CAB39L: variants seen among roughly 807,000 people sequenced by gnomAD.
The protein encoded by CAB39L is calcium binding protein 39 like.
In CAB39L, 23 loss-of-function variants were observed where a neutral mutation model predicts 39.1. The observed-to-expected ratio is 0.59, with a 90% CI of 0.42 to 0.83. The LOEUF is 0.83. Among genes scored for constraint, CAB39L ranks in the 40% least tolerant of loss-of-function variants. CAB39L has a pLI of 0.00. For synonymous variants in CAB39L, 126 were observed against 137.2 expected, an observed-to-expected ratio of 0.92 and a Z score of 0.57; for missense variants, 366 against 391.9, an observed-to-expected ratio of 0.93 and a Z score of 0.56.
At chr13:49,441,221 GTATATATATA>G (rs59783079) in intron 1 of CAB39L, among the ~76,000 whole-genome samples, 5,986 of 121,458 alleles carry the variant, frequency 0.049, 318 homozygotes, top group East Asian at 0.24. Flanking sequence ...ATGATTTAGT[GTATATATATA>G]TATATATATA....
intron 3 of CAB39L, among the ~76,000 whole-genome samples, chr13:49,408,669 A>C (rs1956930878): frequency 6.6e-6 from 1 of 152,130 alleles, no homozygotes; most frequent in African/African-American, 2.4e-5. Context: ...TACCAAAAAA[A>C]TACATACAAA....
chr13:49,420,473 G>C (rs988331402), intron 3 of CAB39L: 1 of 152,148 alleles, frequency 6.6e-6, no homozygotes, highest in African/African-American at 2.4e-5. Context: ...CTAACAAAAC[G>C]CTGTTTATTT....
chr13:49,324,901 G>A (rs373947854), intron 10 of CAB39L, among the ~76,000 whole-genome samples: 2 of 152,170 alleles, frequency 1.3e-5, no homozygotes, highest in South Asian at 4.1e-4. Context: ...AAATTACATG[G>A]AAAAGCAACT....
At chr13:49,335,295 T>C (rs1954818502) in intron 9 of CAB39L, among the ~76,000 whole-genome samples, 1 of 152,238 alleles carries the variant, frequency 6.6e-6, no homozygotes, top group African/African-American at 2.4e-5. Flanking sequence ...GTTGAAGTTA[T>C]ATTTATGAGT....
At chr13:49,315,549 C>T (rs189713820) in intron 10 of CAB39L, among the ~76,000 whole-genome samples, 1 of 152,162 alleles carries the variant, frequency 6.6e-6, no homozygotes, top group East Asian at 1.9e-4. Context: ...GCACCAAAAG[C>T]AGTGCTCAGG....
In CAB39L at chr13:49,409,911, T is replaced by TA. The variant is rs201528930; in HGVS notation, c.-32+23406dup. Among the ~76,000 whole-genome samples, 901 of 140,402 alleles carry TA rather than the reference T, an allele frequency of 6.4e-3. 3 individuals are homozygous for TA. The highest frequency in any genetic ancestry group is 0.015 in the African/African-American group (576 of 37,828). The allele number at this position is 140,402 out of a possible 152,430, so 92.1% of individuals were successfully genotyped here. ...AACATAGGGAGACCCTCTCTCTATT[T>TA]AAAAAAAAAAAAAAAATCCACATAA... On this transcript the variant is annotated intron_variant, in intron 3 of 10. Coordinates refer to ENST00000409308, the MANE Select transcript of CAB39L (RefSeq NM_001079670.3).
At position 49,440,383 on chromosome 13, in the gene CAB39L, G is replaced by A. The variant is rs140733613; in HGVS notation, c.-246+3603C>T. ...AGTTCTTTCTCCATTGCTTCCTTTT[G>A]TCAATTTTGTTGACCAGATGGCTGT... is the stretch of plus-strand genomic sequence containing the variant. On this transcript the variant is annotated intron_variant, in intron 1 of 10. Transcript: ENST00000409308. Among the ~76,000 whole-genome samples, 80 of 152,140 alleles carry A rather than the reference G, an allele frequency of 5.3e-4. 1 individual carries two copies. In the East Asian group the frequency reaches 0.014, roughly 27 times the overall value.
chr13:49,425,795 G>A (rs573241423), intron 3 of CAB39L, among the ~76,000 whole-genome samples: 32 of 152,250 alleles, frequency 2.1e-4, no homozygotes, highest in African/African-American at 4.1e-4. Flanking sequence ...CTGGAAATTC[G>A]TTAAGACTCA....
chr13:49,338,215 G>A (rs7987904), intron 9 of CAB39L, among the ~76,000 whole-genome samples: 43,389 of 151,376 alleles, frequency 0.29, 7,362 homozygotes, highest in African/African-American at 0.48. Context: ...TGTTTACTGC[G>A]GCATTATTCA....
At chr13:49,402,501 A>T (rs968024471) in intron 3 of CAB39L, among the ~76,000 whole-genome samples, 4 of 152,154 alleles carry the variant, frequency 2.6e-5, no homozygotes, top group African/African-American at 9.7e-5. Context: ...TCCATCTCCC[A>T]CTATGTCCCC....
chr13:49,407,895 T>G (rs1594070756), intron 3 of CAB39L, among the ~76,000 whole-genome samples: 1 of 147,540 alleles, frequency 6.8e-6, no homozygotes, highest in Non-Finnish European at 1.5e-5. Context: ...AAACAAAAAT[T>G]TAGTATGCCA....
intron 4 of CAB39L, among the ~76,000 whole-genome samples, chr13:49,378,260 G>GT (rs1223135500): frequency 1.1e-5 from 1 of 91,146 alleles, no homozygotes; most frequent in Non-Finnish European, 2.2e-5. Context: ...AGGGAGGGAG[G>GT]TGGGGGGGGG....
intron 3 of CAB39L, among the ~76,000 whole-genome samples, chr13:49,427,052 C>A (rs1452714441): frequency 6.6e-6 from 1 of 152,184 alleles, no homozygotes; most frequent in Non-Finnish European, 1.5e-5. Flanking sequence ...ATACTTGCTC[C>A]TGTCACTCTT....
intron 3 of CAB39L, among the ~76,000 whole-genome samples, chr13:49,405,715 G>GAGAGAGAGGA (rs1956856696): frequency 4.5e-5 from 2 of 44,266 alleles, no homozygotes; most frequent in Admixed American, 4.1e-4. Flanking sequence ...GAAAGAAAGA[G>GAGAGAGAGGA]AGAGAGGAAG....
At chr13:49,387,253 A>G (rs1594037583) in intron 3 of CAB39L, among the ~76,000 whole-genome samples, 1 of 152,354 alleles carries the variant, frequency 6.6e-6, no homozygotes, top group East Asian at 1.9e-4. Context: ...AGCCAAAAAT[A>G]AAGTGCTTAA....
At position 49,378,280 on chromosome 13, in the gene CAB39L, C is replaced by A. The variant is rs1269964962; in HGVS notation, c.112-1149G>T. Among the ~76,000 whole-genome samples, 7 of 87,688 alleles carry A rather than the reference C, an allele frequency of 8.0e-5. 3 individuals are homozygous for A. Among genetic ancestry groups the A allele is most frequent in the Admixed American group, 6.5e-4 (7 of 10,786 alleles). 57.5% of individuals were successfully genotyped at this position (87,688 alleles called of 152,430 possible). A position where few individuals can be genotyped will look rare whatever the true frequency, so the allele number is the denominator to read the frequency against. ...GGGAGGTGGGGGGGGGTCAACCCCC[C>A]GCCCGGCCAGCCGCCCCATCTGGGA... On this transcript the variant is annotated intron_variant, in intron 4 of 10. Coordinates refer to ENST00000409308, the MANE Select transcript of CAB39L (RefSeq NM_001079670.3).
At position 49,344,614 on chromosome 13, in the gene CAB39L, C is replaced by T. The variant is rs200760166; in HGVS notation, c.565-376G>A. Among the ~76,000 whole-genome samples the T allele has an allele frequency of 2.4e-4, 36 of 151,526 alleles. No homozygotes were observed. In the East Asian group the frequency reaches 3.1e-3, roughly 13 times the overall value. Reference sequence around the variant, plus strand: ...TCAGCTCACTGCAAGCTCTGCCTCCCGGGTTCAAGCGATTCTCCTGCCTCA... The same window carrying T: ...TCAGCTCACTGCAAGCTCTGCCTCCTGGGTTCAAGCGATTCTCCTGCCTCA... On this transcript the variant is annotated intron_variant, in intron 7 of 10. Transcript: ENST00000409308.
chr13:49,442,268 A>G (rs1435072972), intron 1 of CAB39L, among the ~76,000 whole-genome samples: 1 of 152,212 alleles, frequency 6.6e-6, no homozygotes, highest in Non-Finnish European at 1.5e-5. Flanking sequence ...GGGATGTGTC[A>G]TAATTTATAA....
chr13:49,329,566 T>A (rs1489747467), intron 10 of CAB39L, among the ~76,000 whole-genome samples: 7,125 of 58,092 alleles, frequency 0.12, 1,027 homozygotes, highest in African/African-American at 0.39. Flanking sequence ...TATATATATA[T>A]ATATATATAT....
Sources: gnomAD v4.1 joint callset for allele counts (sites outside exome capture counted in the v4.1 genomes callset) on GRCh38, gnomAD v4.1.1 for gene constraint, MANE v1.5 for transcripts, NCBI Gene and HGNC (gene_info 2026-07-23, HGNC 2026-07-21) for gene names.